LDB2: variants seen among roughly 807,000 people sequenced by gnomAD.
LDB2 encodes LIM domain-binding protein 2.
Under a neutral mutation model 44.3 loss-of-function variants are expected in LDB2, and 12 were observed. That is an observed-to-expected ratio of 0.27 (90% confidence interval 0.17 to 0.44). The LOEUF is 0.44. LDB2 is among the 20% of genes least tolerant of loss of function. The pLI is 1.00. For missense variants in LDB2, 344 were observed against 473.5 expected (o/e 0.73, Z 2.54); for synonymous variants, 164 against 174.8 (o/e 0.94, Z 0.49).
chr4:16,602,333 G>C (rs764961251), intron 2 of LDB2, among the ~76,000 whole-genome samples: 5 of 152,180 alleles, frequency 3.3e-5, no homozygotes, highest in Non-Finnish European at 5.9e-5. Context: ...CGAAGATCTG[G>C]AATTAAAGAG....
chr4:16,660,943 C>T lies in LDB2; in HGVS notation c.236-65068G>A, dbSNP rs568328091. 3.7e-4 allele frequency among the ~76,000 whole-genome samples: 57 copies of T among 152,214 alleles called. No homozygotes were observed. In the Middle Eastern group the frequency reaches 0.01, roughly 27 times the overall value. On this transcript the variant is annotated intron_variant, in intron 2 of 7. Coordinates refer to ENST00000304523, the MANE Select transcript of LDB2 (RefSeq NM_001290.5). ...CCAGGAATATAGGCATTGTCCTATG[C>T]GGACTAATAGGGAATACGTTCACAT...
chr4:16,609,119 C>A (rs1370923872), intron 2 of LDB2, among the ~76,000 whole-genome samples: 1 of 152,126 alleles, frequency 6.6e-6, no homozygotes, highest in Non-Finnish European at 1.5e-5. Context: ...CAGCGCGGGG[C>A]AGTGGCCTAC....
chr4:16,751,030 G>C (rs1446805797), intron 2 of LDB2: 1 of 152,082 alleles, frequency 6.6e-6, no homozygotes, highest in Non-Finnish European at 1.5e-5. Flanking sequence ...CCCTAAAACC[G>C]AAAGTCAGGA....
intron 3 of LDB2, among the ~76,000 whole-genome samples, chr4:16,590,941 G>T (rs1401227099): frequency 6.6e-6 from 1 of 152,144 alleles, no homozygotes; most frequent in East Asian, 1.9e-4. Flanking sequence ...GAGTTGCATG[G>T]AGATTAAGCC....
intron 3 of LDB2, among the ~76,000 whole-genome samples, chr4:16,594,089 AT>A (rs34484077): frequency 0.3 from 44,749 of 149,596 alleles, 6,752 homozygotes; most frequent in South Asian, 0.35. Flanking sequence ...ATTATCATGG[AT>A]TTTTTTTTTC....
At chr4:16,854,335 A>T (rs1310382937) in intron 1 of LDB2, among the ~76,000 whole-genome samples, 1 of 151,984 alleles carries the variant, frequency 6.6e-6, no homozygotes, top group Non-Finnish European at 1.5e-5. Flanking sequence ...CAATAAAAAT[A>T]CCAAATAAAC....
rs139135569 is a variant in LDB2, at chr4:16,683,801, G to C, written c.235+75357C>G. 2.1e-3 allele frequency among the ~76,000 whole-genome samples: 317 copies of C among 152,278 alleles called. 2 individuals are homozygous for C. Among genetic ancestry groups the C allele is most frequent in the African/African-American group, 7.1e-3 (295 of 41,534 alleles). ...TTTCTTGTTCATCTACTTTCTGACG[G>C]GGAGGTTCAATAGGAAGCTTACCTT... is the stretch of plus-strand genomic sequence containing the variant. On this transcript the variant is annotated intron_variant, in intron 2 of 7. Transcript: ENST00000304523.
chr4:16,529,199 A>T (rs1160670), intron 5 of LDB2, among the ~76,000 whole-genome samples: 55,719 of 151,896 alleles, frequency 0.37, 10,724 homozygotes, highest in East Asian at 0.63. Context: ...TTGGGACTCA[A>T]TAGATTTGTC....
intron 1 of LDB2, among the ~76,000 whole-genome samples, chr4:16,772,069 A>C (rs1425526648): frequency 6.6e-6 from 1 of 151,860 alleles, no homozygotes; most frequent in African/African-American, 2.4e-5. Flanking sequence ...CCAGGGCTGC[A>C]CTCCACTACA....
At chr4:16,632,831 T>C (rs1359199932) in intron 2 of LDB2, among the ~76,000 whole-genome samples, 6 of 152,200 alleles carry the variant, frequency 3.9e-5, no homozygotes, top group Admixed American at 3.9e-4. Context: ...ACTTTTACAC[T>C]GTTGGTGGGA....
rs943970603 is a variant in LDB2, at chr4:16,592,443, G to A, written c.408+3260C>T. On this transcript the variant is annotated intron_variant, in intron 3 of 7. Coordinates refer to ENST00000304523, the MANE Select transcript of LDB2 (RefSeq NM_001290.5). ...CCTTAGTGGTACTGCATATGTAAACGCATTCATATGCATTATACATACATA... is the reference window on the plus strand; with the variant it reads ...CCTTAGTGGTACTGCATATGTAAACACATTCATATGCATTATACATACATA... 2.8e-4 allele frequency among the ~76,000 whole-genome samples: 36 copies of A among 128,570 alleles called. No homozygotes were observed. The Middle Eastern group carries it at 0.015, about 54-fold the overall frequency. The allele number at this position is 128,570 out of a possible 152,430, so 84.3% of individuals were successfully genotyped here.
chr4:16,824,739 T>C (rs1362646043), intron 1 of LDB2, among the ~76,000 whole-genome samples: 1 of 152,208 alleles, frequency 6.6e-6, no homozygotes, highest in Non-Finnish European at 1.5e-5. Context: ...TTCTGAAGAA[T>C]TTACCCACAA....
chr4:16,893,706 G>T (rs992440269), intron 1 of LDB2, among the ~76,000 whole-genome samples: 27 of 152,088 alleles, frequency 1.8e-4, no homozygotes, highest in African/African-American at 6.5e-4. Flanking sequence ...TTTGGAAGAG[G>T]ATGTGTAATA....
chr4:16,504,734 C>G (rs866254272), intron 7 of LDB2, among the ~76,000 whole-genome samples: 2 of 152,112 alleles, frequency 1.3e-5, no homozygotes, highest in Non-Finnish European at 2.9e-5. Flanking sequence ...GCAGTGTTAC[C>G]TGTTTGGGGA....
At chr4:16,773,420 A>G (rs998552528) in intron 1 of LDB2, among the ~76,000 whole-genome samples, 2 of 152,222 alleles carry the variant, frequency 1.3e-5, no homozygotes, top group African/African-American at 2.4e-5. Flanking sequence ...TTTTCCTGCA[A>G]TTAGACAATC....
intron 1 of LDB2, among the ~76,000 whole-genome samples, chr4:16,821,927 G>C (rs545688016): frequency 1.3e-5 from 2 of 151,990 alleles, no homozygotes; most frequent in African/African-American, 4.8e-5. Context: ...GTTTTGAACA[G>C]TTTTCTTTTT....
At chr4:16,867,031 G>A (rs764598635) in intron 1 of LDB2, among the ~76,000 whole-genome samples, 2 of 152,132 alleles carry the variant, frequency 1.3e-5, no homozygotes, top group Non-Finnish European at 2.9e-5. Flanking sequence ...CAGGGACTAG[G>A]TGCTGAAAGA....
intron 1 of LDB2, among the ~76,000 whole-genome samples, chr4:16,763,206 T>C (rs575095504): frequency 1.9e-4 from 29 of 151,706 alleles, no homozygotes; most frequent in Non-Finnish European, 2.8e-4. Context: ...ATATAATAGG[T>C]AGATAAGATA....
chr4:16,655,948 G>A (rs1194411740), intron 2 of LDB2, among the ~76,000 whole-genome samples: 2 of 127,386 alleles, frequency 1.6e-5, no homozygotes, highest in Non-Finnish European at 3.1e-5. Flanking sequence ...CGCCCAGGCC[G>A]GAGTGCGGTG....
Sources: gnomAD v4.1 joint callset for allele counts (sites outside exome capture counted in the v4.1 genomes callset) on GRCh38, gnomAD v4.1.1 for gene constraint, MANE v1.5 for transcripts, NCBI Gene and HGNC (gene_info 2026-07-23, HGNC 2026-07-21) for gene names.